The following MRAP variants were observed in gnomAD, a reference collection of about 807,000 sequenced individuals.
MRAP encodes melanocortin-2 receptor accessory protein.
In MRAP, 8 loss-of-function variants were observed where a neutral mutation model predicts 8.7. The ratio of observed to expected loss-of-function variants is 0.92; its 90% CI spans 0.54 to 1.66. MRAP has a LOEUF of 1.66. Among genes scored for constraint, MRAP ranks in the 40% most tolerant of loss-of-function variants. MRAP has a pLI of 0.00. For missense variants in MRAP, 237 were observed against 217.1 expected, an observed-to-expected ratio of 1.09 and a Z score of -0.58; for synonymous variants, 95 against 95.5, an observed-to-expected ratio of 1.00 and a Z score of 0.03.
chr21:32,300,472 A>C (rs552515135), intron 1 of MRAP, among the ~76,000 whole-genome samples: 1 of 148,628 alleles, frequency 6.7e-6, no homozygotes, highest in African/African-American at 2.5e-5. Flanking sequence ...GTCTTATGTC[A>C]GGGGCGCCAT....
At chr21:32,303,383 T>C (rs1449272936) in intron 1 of MRAP, among the ~76,000 whole-genome samples, 3 of 152,214 alleles carry the variant, frequency 2.0e-5, no homozygotes, top group Non-Finnish European at 2.9e-5. Flanking sequence ...AAGTGTCTAC[T>C]ATAAGAATGA....
chr21:32,314,675 T>C (rs910493147), downstream of MRAP: 6 of 1,608,478 alleles, frequency 3.7e-6, no homozygotes, highest in African/African-American at 1.3e-5. Context: ...ATGGGCCTCA[T>C]GGCCTAGAAG....
chr21:32,314,662 T>G (rs2032651757), downstream of MRAP: 1 of 1,610,518 alleles, frequency 6.2e-7, no homozygotes, highest in Admixed American at 1.7e-5. Flanking sequence ...GACGAGGCAC[T>G]GGATGGGCCT....
At chr21:32,311,059 C>G (rs2032552242) in intron 2 of MRAP, 1 of 152,452 alleles carries the variant, frequency 6.6e-6, no homozygotes, top group South Asian at 2.1e-4. Flanking sequence ...CACAGTTTCA[C>G]ATGGCGGGGG....
rs116586537 is a variant in MRAP, at chr21:32,311,435, A to G, written c.207-249A>G. 2,026 of 235,948 alleles carry G rather than the reference A, an allele frequency of 8.6e-3. 39 individuals carry two copies. The highest frequency in any genetic ancestry group is 0.045 in the African/African-American group (1,904 of 42,716). The allele number at this position is 235,948 out of a possible 1,614,324, so 14.6% of individuals were successfully genotyped here. A position where few individuals can be genotyped will look rare whatever the true frequency, so the allele number is the denominator to read the frequency against. The stretch of plus-strand genomic sequence containing the variant: ...CCCCCACCCCCCCCATCCTAAATCA[A>G]TGTAGGAAGAAGTGGCCTCCAGGGA... On this transcript the variant is annotated intron_variant, in intron 2 of 2. Transcript: ENST00000303645.
chr21:32,300,572 C>A (rs1041342819), intron 1 of MRAP, among the ~76,000 whole-genome samples: 8 of 138,690 alleles, frequency 5.8e-5, no homozygotes, highest in African/African-American at 2.3e-4. Flanking sequence ...ATGTTTCACA[C>A]GTCATGTCAG....
At chr21:32,314,405 G>A (rs974059706), downstream of MRAP, 7 of 681,000 alleles carry the variant, frequency 1.0e-5, no homozygotes, top group East Asian at 3.0e-5. Context: ...GGCTGGTTTC[G>A]AACTCCTGAC....
At chr21:32,314,357 G>A, downstream of MRAP, 1 of 502,528 alleles carries the variant, frequency 2.0e-6, no homozygotes, top group Non-Finnish European at 3.7e-6. Context: ...GCTAATTTTT[G>A]TATTTTTAGT....
In MRAP at chr21:32,306,641, T is replaced by C; in HGVS notation, c.108T>C (p.His36=). The change falls in exon 2 of 3, where the codon CAT becomes CAC. Residue 36 remains histidine (H), a splice_region_variant and synonymous_variant. Coordinates refer to ENST00000303645, the MANE Select transcript of MRAP (RefSeq NM_001379228.1). ...GAGATGCATCTCCTCCTCCCGCAGA[T>C]TCCATCGTGATCGCATTCTGGGTGA... ...VDEKKLKAHK[H]SIVIAFWVSL... 1 of 1,613,958 alleles carries C rather than the reference T, an allele frequency of 6.2e-7. No homozygotes were observed. The highest frequency in any genetic ancestry group is 1.1e-5 in the South Asian group (1 of 91,070).
At chr21:32,309,374 G>A (rs556638981) in intron 2 of MRAP, among the ~76,000 whole-genome samples, 1 of 152,062 alleles carries the variant, frequency 6.6e-6, no homozygotes, top group Non-Finnish European at 1.5e-5. Context: ...CACCCACCAG[G>A]GCTACACTCG....
chr21:32,292,209 T>G (rs1039330374), intron 1 of MRAP, among the ~76,000 whole-genome samples: 1 of 152,150 alleles, frequency 6.6e-6, no homozygotes, highest in Admixed American at 6.5e-5. Context: ...AATGATATAT[T>G]TTGAATTTGC....
intron 2 of MRAP, chr21:32,308,842 C>T (rs908449946): frequency 6.6e-6 from 1 of 152,440 alleles, no homozygotes; most frequent in Non-Finnish European, 1.5e-5. Flanking sequence ...CCATTATAGA[C>T]CATTATGTCC....
chr21:32,294,920 C>T (rs373564233), upstream of MRAP, among the ~76,000 whole-genome samples: 45 of 151,914 alleles, frequency 3.0e-4, no homozygotes, highest in African/African-American at 1.1e-3. Context: ...AATTTTATTC[C>T]TATGTGTTTT....
intron 1 of MRAP, among the ~76,000 whole-genome samples, chr21:32,304,383 G>A (rs200928623): frequency 2.0e-5 from 3 of 152,106 alleles, no homozygotes; most frequent in Non-Finnish European, 2.9e-5. Context: ...TTGGGAGGCC[G>A]AGGCAGGTGG....
chr21:32,306,424 C>A, intron 1 of MRAP: 1 of 609,648 alleles, frequency 1.6e-6, no homozygotes, highest in Admixed American at 2.3e-5. Context: ...GACCCCGTGG[C>A]CAGCTGCCCT....
chr21:32,300,636 A>G (rs1011685315), intron 1 of MRAP, among the ~76,000 whole-genome samples: 1 of 143,602 alleles, frequency 7.0e-6, no homozygotes, highest in African/African-American at 2.6e-5. Context: ...CAGATGCGTC[A>G]CACGTCCTAT....
At chr21:32,299,187 T>C (rs1333244209) in intron 1 of MRAP, 110 bp downstream of exon 1, 16 of 813,002 alleles carry the variant, frequency 2.0e-5, no homozygotes, top group Non-Finnish European at 1.7e-5. Context: ...GTAGACATCA[T>C]GGGAAAGCAG....
chr21:32,304,962 GTTGTTTTTT>G (rs2032375292), intron 1 of MRAP, among the ~76,000 whole-genome samples: 1 of 100,356 alleles, frequency 1.0e-5, no homozygotes, highest in African/African-American at 4.0e-5. Context: ...TGTTTTTTTT[GTTGTTTTTT>G]TTTTTTTTTT....
downstream of MRAP, chr21:32,312,431 C>T: frequency 1.3e-6 from 1 of 744,116 alleles, no homozygotes; most frequent in Non-Finnish European, 1.8e-6. Context: ...CACCCGCCGG[C>T]TCCCCCAGAT....
Sources: gnomAD v4.1 joint callset for allele counts (sites outside exome capture counted in the v4.1 genomes callset) on GRCh38, gnomAD v4.1.1 for gene constraint, MANE v1.5 for transcripts, NCBI Gene and HGNC (gene_info 2026-07-23, HGNC 2026-07-21) for gene names.